Variants in LYZL2 observed in about 807,000 individuals in gnomAD.
LYZL2 encodes the protein lysozyme like 2, also known as lysozyme-like protein 2.
Under a neutral mutation model 17.1 loss-of-function variants are expected in LYZL2, and 13 were observed. The observed-to-expected ratio is 0.76, with a 90% CI of 0.49 to 1.21. LYZL2 has a LOEUF of 1.21. Among genes scored for constraint, LYZL2 ranks in the 50% most tolerant of loss-of-function variants. LYZL2 has a pLI of 0.00. For missense variants in LYZL2, 166 were observed against 189.2 expected, an observed-to-expected ratio of 0.88 and a Z score of 0.72; for synonymous variants, 63 against 74.4, an observed-to-expected ratio of 0.85 and a Z score of 0.79.
chr10:30,616,309 AG>A (rs1182972138), intron 3 of LYZL2, among the ~76,000 whole-genome samples: 1 of 152,258 alleles, frequency 6.6e-6, no homozygotes, highest in African/African-American at 2.4e-5. Flanking sequence ...TATAAGAGAT[AG>A]CAATTGAAAC....
chr10:30,608,434 C>T (rs1838398336), downstream of LYZL2, among the ~76,000 whole-genome samples: 1 of 152,182 alleles, frequency 6.6e-6, no homozygotes, highest in Non-Finnish European at 1.5e-5. Flanking sequence ...ATTGCTCCTG[C>T]AGATCTTTCA....
At chr10:30,607,921 G>A (rs138323818), downstream of LYZL2, among the ~76,000 whole-genome samples, 269 of 152,200 alleles carry the variant, frequency 1.8e-3, 1 homozygote, top group African/African-American at 6.2e-3. Context: ...GAGAAACATC[G>A]CCAGGAGGCT....
intron 3 of LYZL2, among the ~76,000 whole-genome samples, chr10:30,619,414 T>C (rs1256660373): frequency 3.3e-5 from 5 of 152,100 alleles, no homozygotes; most frequent in Non-Finnish European, 7.4e-5. Flanking sequence ...ATAGTAAAGA[T>C]TTGGAACCAA....
At chr10:30,619,207 G>T (rs1838581401) in intron 3 of LYZL2, among the ~76,000 whole-genome samples, 1 of 152,164 alleles carries the variant, frequency 6.6e-6, no homozygotes, top group South Asian at 2.1e-4. Context: ...GGAGAAATAG[G>T]AACACTTTTA....
the LYZL2 span, among the ~76,000 whole-genome samples, chr10:30,606,502 C>A: frequency 6.6e-6 from 1 of 152,028 alleles, no homozygotes; most frequent in Admixed American, 6.6e-5. Context: ...AGCAGGCATG[C>A]ACCTCCATCC....
downstream of LYZL2, among the ~76,000 whole-genome samples, chr10:30,611,444 G>A (rs572388567): frequency 5.5e-4 from 82 of 149,144 alleles, no homozygotes; most frequent in South Asian, 2.6e-3. Flanking sequence ...GGTTGCAGTG[G>A]GCTGAAATCG....
Position 30,612,853 on chromosome 10 carries a change from T to G in LYZL2, c.346A>C (p.Ile116Leu). 1.2e-6 allele frequency: 2 copies of G among 1,613,898 alleles called. No individual in the cohort carries two copies. Among genetic ancestry groups the G allele is most frequent in the Non-Finnish European group, 1.7e-6 (2 of 1,179,794 alleles). The part of the protein sequence containing the change: ...LTDAIICAKK[I>L]VKETQGMNYW... ...TTCATTCCTTGTGTCTCTTTAACAA[T>G]TTTCTTGGCACAGATAATCGCATCT... The change falls in exon 4 of 5, where the codon ATT becomes CTT. Residue 116 changes from isoleucine (I) to leucine (L), a missense_variant. By Grantham distance (5) the Ile-to-Leu change is conservative. Around this residue, in one of 2 missense-constraint regions of LYZL2, gnomAD observed 134 missense variants for 129.4 expected, o/e 1.04. Coordinates refer to ENST00000647634, the MANE Select transcript of LYZL2 (RefSeq NM_183058.3).
chr10:30,628,848 A>G (rs180807040), intron 1 of LYZL2, among the ~76,000 whole-genome samples: 75 of 152,356 alleles, frequency 4.9e-4, no homozygotes, highest in African/African-American at 1.7e-3. Context: ...AAACGTGAAT[A>G]GCAAGCGTGG....
intron 2 of LYZL2, among the ~76,000 whole-genome samples, chr10:30,626,501 G>T (rs1203880770): frequency 1.3e-5 from 2 of 152,194 alleles, no homozygotes; most frequent in African/African-American, 4.8e-5. Context: ...CAACAGTCAG[G>T]TCCCCCCACT....
downstream of LYZL2, among the ~76,000 whole-genome samples, chr10:30,608,047 A>T (rs1444555885): frequency 2.0e-5 from 3 of 152,096 alleles, no homozygotes; most frequent in Non-Finnish European, 4.4e-5. Flanking sequence ...AGCTGAAGTG[A>T]TCCTCCCACT....
At chr10:30,613,880 C>A (rs1287643256) in intron 3 of LYZL2, among the ~76,000 whole-genome samples, 1 of 151,984 alleles carries the variant, frequency 6.6e-6, no homozygotes, top group Non-Finnish European at 1.5e-5. Flanking sequence ...CACGCCTGAC[C>A]ATTTTTTATT....
rs533010163 is a variant in LYZL2, at chr10:30,629,740, A to T, written c.-173T>A. The stretch of plus-strand genomic sequence containing the variant: ...CCATGTCTGATTCTAACAAGGCTCG[A>T]GTAATCCTTTCCTAGCTCAAGAACC... On this transcript the variant is annotated 5_prime_UTR_variant, in exon 1 of 5. Coordinates refer to ENST00000647634, the MANE Select transcript of LYZL2 (RefSeq NM_183058.3). The T allele has an allele frequency of 1.9e-6, 3 of 1,576,848 alleles. No homozygotes were observed. The South Asian group carries it at 3.5e-5, about 18-fold the overall frequency.
intron 3 of LYZL2, among the ~76,000 whole-genome samples, chr10:30,620,407 C>T (rs1838602004): frequency 6.6e-6 from 1 of 152,218 alleles, no homozygotes; most frequent in Non-Finnish European, 1.5e-5. Context: ...AGCAGCCTGC[C>T]TTGATATCTT....
chr10:30,611,570 G>GAAAGAAAGAAAGAAAGAAAGAAA, downstream of LYZL2, among the ~76,000 whole-genome samples: 1 of 54,124 alleles, frequency 1.8e-5, no homozygotes, highest in South Asian at 8.4e-4. Flanking sequence ...AAGGAAGGAA[G>GAAAGAAAGAAAGAAAGAAAGAAA]GAAAGAAAGA....
At chr10:30,616,498 A>G (rs1838529994) in intron 3 of LYZL2, among the ~76,000 whole-genome samples, 1 of 152,252 alleles carries the variant, frequency 6.6e-6, no homozygotes, top group Non-Finnish European at 1.5e-5. Flanking sequence ...TCCTCTCAAA[A>G]CAAACATCCA....
At chr10:30,620,288 C>T (rs988485415) in intron 3 of LYZL2, among the ~76,000 whole-genome samples, 2 of 152,190 alleles carry the variant, frequency 1.3e-5, no homozygotes, top group African/African-American at 4.8e-5. Context: ...GAGGATCGCC[C>T]AGAACATGCT....
intron 1 of LYZL2, among the ~76,000 whole-genome samples, chr10:30,628,847 T>C (rs190575083): frequency 2.4e-3 from 371 of 152,304 alleles, no homozygotes; most frequent in Non-Finnish European, 4.2e-3. Flanking sequence ...CAAACGTGAA[T>C]AGCAAGCGTG....
chr10:30,612,499 CT>C (rs200551170), intron 4 of LYZL2, among the ~76,000 whole-genome samples: 3 of 152,118 alleles, frequency 2.0e-5, no homozygotes, highest in South Asian at 2.1e-4. Flanking sequence ...CAAACTCAAG[CT>C]TTTTTTTCCC....
At chr10:30,607,159 G>A (rs76690625), downstream of LYZL2, among the ~76,000 whole-genome samples, 16 of 7,392 alleles carry the variant, frequency 2.2e-3, no homozygotes, top group South Asian at 9.8e-3. Flanking sequence ...TGATCCACCC[G>A]CCTTGGCCTC....
Sources: gnomAD v4.1 joint callset for allele counts (sites outside exome capture counted in the v4.1 genomes callset) on GRCh38, gnomAD v4.1.1 for gene constraint, gnomAD v4.1.1 regional missense constraint, MANE v1.5 for transcripts, NCBI Gene and HGNC (gene_info 2026-07-23, HGNC 2026-07-21) for gene names.